The following DSCAML1 variants were observed in gnomAD, a reference collection of about 807,000 sequenced individuals.
DSCAML1 encodes cell adhesion molecule DSCAML1.
A neutral mutation model predicts 200.5 loss-of-function variants in DSCAML1; 38 were observed. The observed-to-expected ratio is 0.19, with a 90% CI of 0.15 to 0.25. DSCAML1 has a LOEUF of 0.25. Among genes scored for constraint, DSCAML1 ranks in the 10% least tolerant of loss-of-function variants. The pLI, the probability that DSCAML1 is intolerant of heterozygous loss-of-function variation, is 1.00. For missense variants in DSCAML1, 2,223 were observed against 2,858.8 expected (o/e 0.78, Z 5.07); for synonymous variants, 1,215 against 1,165.0 (o/e 1.04, Z -0.87).
intron 3 of DSCAML1, among the ~76,000 whole-genome samples, chr11:117,616,561 A>G (rs952550006): frequency 6.6e-6 from 1 of 152,238 alleles, no homozygotes; most frequent in South Asian, 2.1e-4. Flanking sequence ...AATGAATCTC[A>G]TGAACATAAG....
At position 117,655,467 on chromosome 11, in the gene DSCAML1, G is replaced by A. The variant is rs367872344; in HGVS notation, c.511+121324C>T. On this transcript the variant is annotated intron_variant, in intron 3 of 32. Transcript: ENST00000651296. Reference sequence around the variant, plus strand: ...GGAAACAGAAACTCAGAGAGGTTAAGTATCTTGCCCAAGATCACACAGCTA... The same window carrying A: ...GGAAACAGAAACTCAGAGAGGTTAAATATCTTGCCCAAGATCACACAGCTA... Among the ~76,000 whole-genome samples, 6 of 152,336 alleles carry A rather than the reference G, an allele frequency of 3.9e-5. No individual in the cohort carries two copies. The East Asian group carries it at 9.6e-4, about 24-fold the overall frequency.
intron 1 of DSCAML1, among the ~76,000 whole-genome samples, chr11:117,812,306 G>A (rs1001733047): frequency 4.4e-4 from 67 of 152,004 alleles, no homozygotes; most frequent in Non-Finnish European, 4.6e-4. Context: ...GTTATCACTC[G>A]CCTGCTACAG....
intron 3 of DSCAML1, among the ~76,000 whole-genome samples, chr11:117,749,347 G>C (rs1324405277): frequency 6.6e-6 from 1 of 152,176 alleles, no homozygotes; most frequent in Non-Finnish European, 1.5e-5. Flanking sequence ...TACAGAGAAC[G>C]AGCCTTCCTC....
intron 1 of DSCAML1, among the ~76,000 whole-genome samples, chr11:117,795,874 T>C (rs1479326163): frequency 6.6e-6 from 1 of 151,504 alleles, no homozygotes; most frequent in African/African-American, 2.4e-5. Flanking sequence ...GGGTTAAGAG[T>C]TGCCGCCCGG....
At chr11:117,444,110 G>C in intron 20 of DSCAML1, 71 bp from the exon 21 acceptor site, 1 of 1,520,620 alleles carries the variant, frequency 6.6e-7, no homozygotes, top group South Asian at 1.3e-5. Context: ...CTTCCTCAGT[G>C]CCCGGGGCTC....
chr11:117,573,629 C>T (rs761242407), intron 3 of DSCAML1, among the ~76,000 whole-genome samples: 11 of 152,250 alleles, frequency 7.2e-5, no homozygotes, highest in Non-Finnish European at 1.6e-4. Flanking sequence ...TCAGCGTCCT[C>T]TGCCCTGCAG....
At position 117,516,511 on chromosome 11, in the gene DSCAML1, T is replaced by C. The variant is rs1246751514; in HGVS notation, c.1739A>G (p.Gln580Arg). 6.2e-7 allele frequency: 1 copy of C among 1,613,870 alleles called. No homozygotes were observed. The highest frequency in any genetic ancestry group is 1.3e-5 in the African/African-American group (1 of 74,922). Residue 580 changes from glutamine to arginine, a missense_variant, in exon 8 of 33, where the codon CAG (glutamine) becomes CGG (arginine). By Grantham distance (43) the Gln-to-Arg change is conservative. Transcript: ENST00000651296. The surrounding 1 kb of genome is among the most constrained non-coding windows in gnomAD (Gnocchi z 5.7). The stretch of plus-strand genomic sequence containing the variant: ...GCTCTGGCTGATGGAGAGCTGGGGC[T>C]GGATGAGGACACTGCACAGGTACTC... Reference protein sequence around the residue: ...EGEYLCSVLIQPQLSISQSVH... With the variant: ...EGEYLCSVLIRPQLSISQSVH...
At chr11:117,603,307 G>A (rs2051501976) in intron 3 of DSCAML1, among the ~76,000 whole-genome samples, 1 of 152,204 alleles carries the variant, frequency 6.6e-6, no homozygotes, top group Non-Finnish European at 1.5e-5. Context: ...CTATGGCCTT[G>A]CTATCCTGAA....
intron 19 of DSCAML1, among the ~76,000 whole-genome samples, chr11:117,453,563 C>T (rs530285518): frequency 1.1e-3 from 164 of 152,188 alleles, no homozygotes; most frequent in Non-Finnish European, 1.5e-3. Flanking sequence ...TATATATATA[C>T]AAATACATCA....
At chr11:117,515,275 A>G (rs2137302017) in intron 8 of DSCAML1, among the ~76,000 whole-genome samples, 1 of 151,860 alleles carries the variant, frequency 6.6e-6, no homozygotes, top group African/African-American at 2.4e-5. Flanking sequence ...TCAGTACCCA[A>G]CCCCTGTAGC....
chr11:117,607,750 C>T (rs144449181), intron 3 of DSCAML1, among the ~76,000 whole-genome samples: 42 of 152,240 alleles, frequency 2.8e-4, no homozygotes, highest in African/African-American at 8.7e-4. Flanking sequence ...GGCAGGACCC[C>T]ACAACAGGAG....
chr11:117,607,659 TG>T (rs955518222), intron 3 of DSCAML1, among the ~76,000 whole-genome samples: 9 of 152,198 alleles, frequency 5.9e-5, no homozygotes, highest in Admixed American at 2.6e-4. Flanking sequence ...TGGAAGGGCC[TG>T]GCTCTCAGAG....
chr11:117,670,844 T>C (rs2053091171), intron 3 of DSCAML1, among the ~76,000 whole-genome samples: 1 of 152,176 alleles, frequency 6.6e-6, no homozygotes, highest in African/African-American at 2.4e-5. Context: ...GAGGGTCATT[T>C]TGCTGATGTT....
rs1407431279 is a variant in DSCAML1 at position 117,780,846 on chromosome 11, T to G, written c.47-36A>C. ...GGCAAGGGGAGAGACTTGGTTAGCA[T>G]GGGCTCTAACAATACCCATATAAGC... On this transcript the variant is annotated intron_variant, in intron 1 of 32. Transcript: ENST00000651296. This position sits in a 1 kb window ranked among gnomAD's most constrained non-coding sequence, Gnocchi z 4.8. 2 of 1,395,080 alleles carry G rather than the reference T, an allele frequency of 1.4e-6. No individual in the cohort carries two copies. Among genetic ancestry groups the G allele is most frequent in the East Asian group, 2.8e-5 (1 of 36,300 alleles). The allele number at this position is 1,395,080 out of a possible 1,614,324, so 86.4% of individuals were successfully genotyped here.
chr11:117,728,163 G>A (rs543536950), intron 3 of DSCAML1, among the ~76,000 whole-genome samples: 15 of 152,258 alleles, frequency 9.9e-5, no homozygotes, highest in African/African-American at 3.4e-4. Context: ...CACATCCATA[G>A]AATAAAGGAC....
chr11:117,534,776 G>C (rs918349883), intron 3 of DSCAML1, among the ~76,000 whole-genome samples: 1 of 152,034 alleles, frequency 6.6e-6, no homozygotes, highest in Non-Finnish European at 1.5e-5. Flanking sequence ...CAACTGGCTA[G>C]CTAAAAAAAA....
In DSCAML1 at chr11:117,432,416, G is replaced by A; in HGVS notation, c.5115C>T (p.His1705=). Residue 1705 remains histidine, a synonymous_variant, in exon 30 of 33, where the codon CAC becomes CAT. Coordinates refer to ENST00000651296, the MANE Select transcript of DSCAML1 (RefSeq NM_020693.4). ...PQSFCTGVSL[H]HPTLIQSTGP... ...CTGTGCTCTGGATGAGGGTTGGGTG[G>A]TGCAAGGAGACGCCAGTACAGAAGC... 6.2e-7 allele frequency: 1 copy of A among 1,614,182 alleles called. No homozygotes were observed. Among genetic ancestry groups the A allele is most frequent in the South Asian group, 1.1e-5 (1 of 91,076 alleles).
At chr11:117,709,354 T>C (rs1001642177) in intron 3 of DSCAML1, among the ~76,000 whole-genome samples, 2 of 152,194 alleles carry the variant, frequency 1.3e-5, no homozygotes, top group Admixed American at 6.5e-5. Flanking sequence ...GGCTGCCTTC[T>C]TGCTGTGTCC....
At chr11:117,671,600 A>C (rs956343299) in intron 3 of DSCAML1, among the ~76,000 whole-genome samples, 30 of 152,218 alleles carry the variant, frequency 2.0e-4, no homozygotes, top group African/African-American at 7.2e-4. Flanking sequence ...GGGTATCAAT[A>C]AGTAGTTAAT....
Sources: allele counts gnomAD v4.1 joint callset (sites outside exome capture counted in the v4.1 genomes callset), GRCh38; gene constraint gnomAD v4.1.1; non-coding constraint Gnocchi (gnomAD v3.1); transcripts MANE v1.5; gene names NCBI Gene and HGNC (gene_info 2026-07-23, HGNC 2026-07-21).